Variants in MYO10 observed in about 807,000 individuals in gnomAD.
MYO10 encodes myosin X, also known as unconventional myosin-X.
Under a neutral mutation model 257.3 loss-of-function variants are expected in MYO10, and 133 were observed. The ratio of observed to expected loss-of-function variants is 0.52; its 90% confidence interval spans 0.45 to 0.60. MYO10 has a LOEUF of 0.60. Ranked by LOEUF, MYO10 falls within the 20% of genes least tolerant of loss-of-function variation. MYO10 has a pLI of 0.00. For missense variants in MYO10, 2,399 were observed against 2,635.7 expected, an observed-to-expected ratio of 0.91 and a Z score of 1.97; for synonymous variants, 1,104 against 1,028.6, an observed-to-expected ratio of 1.07 and a Z score of -1.40.
chr5:16,782,530 C>T (rs575627635), intron 5 of MYO10, among the ~76,000 whole-genome samples: 6 of 152,298 alleles, frequency 3.9e-5, no homozygotes, highest in East Asian at 1.9e-4. Flanking sequence ...AACGCCACTG[C>T]GCCGTACACT....
chr5:16,758,881 A>G (rs190661292), intron 17 of MYO10, among the ~76,000 whole-genome samples: 12 of 152,248 alleles, frequency 7.9e-5, no homozygotes, highest in Admixed American at 7.8e-4. Context: ...AGTTCTGTAA[A>G]ATCCATTGCT....
chr5:16,676,829 C>T (rs1161754956), intron 33 of MYO10, among the ~76,000 whole-genome samples: 1 of 152,144 alleles, frequency 6.6e-6, no homozygotes, highest in Non-Finnish European at 1.5e-5. Context: ...CATAGTGAGG[C>T]CCTGTCTCTA....
At chr5:16,787,889 C>T (rs978004658) in intron 4 of MYO10, among the ~76,000 whole-genome samples, 1 of 152,098 alleles carries the variant, frequency 6.6e-6, no homozygotes, top group African/African-American at 2.4e-5. Flanking sequence ...CCACCACCTC[C>T]CCAGGTTCAA....
intron 22 of MYO10, 52 bp from the exon 23 acceptor site, chr5:16,703,210 G>A: frequency 7.1e-7 from 1 of 1,405,018 alleles, no homozygotes; most frequent in Non-Finnish European, 9.8e-7. Flanking sequence ...GAGGCTTTGA[G>A]CTATTCAAAT....
intron 23 of MYO10, 67 bp downstream of exon 23, chr5:16,702,858 G>T (rs892145573): frequency 2.9e-6 from 4 of 1,396,236 alleles, no homozygotes; most frequent in Non-Finnish European, 3.9e-6. Flanking sequence ...TGGCTGCACA[G>T]ACAGATACCG....
At chr5:16,796,500 A>AAAAT (rs1389849355) in intron 3 of MYO10, among the ~76,000 whole-genome samples, 1 of 150,464 alleles carries the variant, frequency 6.6e-6, no homozygotes, top group Non-Finnish European at 1.5e-5. Context: ...AGAAAGAAGG[A>AAAAT]AAATAAATAA....
At chr5:16,713,617 C>A (rs1350967373) in intron 19 of MYO10, 1 of 559,600 alleles carries the variant, frequency 1.8e-6, no homozygotes. Context: ...GTGTCCCTGC[C>A]CCTTCCCAGT....
At chr5:16,820,790 AAC>A (rs1742775406) in intron 2 of MYO10, among the ~76,000 whole-genome samples, 2 of 151,702 alleles carry the variant, frequency 1.3e-5, no homozygotes, top group African/African-American at 4.8e-5. Context: ...GACACTACAA[AAC>A]ACAGACACTA....
intron 2 of MYO10, among the ~76,000 whole-genome samples, chr5:16,863,156 A>G (rs144407766): frequency 6.6e-6 from 1 of 152,326 alleles, no homozygotes; most frequent in East Asian, 1.9e-4. Flanking sequence ...AGGAAACCAA[A>G]GAAGGTCACG....
chr5:16,670,673 C>G lies in MYO10; in HGVS notation c.5736G>C (p.Trp1912Cys). ...GAGCAGAGGAGACTTCTTCCTTAAT[C>G]CACATGTCCAGCATCTGCTCCTCCT... ...KVEEEQMLDM[W>C]IKEEVSSARA... The change falls in exon 39 of 41, where the codon TGG (tryptophan) becomes TGC (cysteine). Residue 1912 changes from tryptophan to cysteine, a missense_variant. Physicochemically the swap from Trp to Cys is radical, Grantham distance 215. This residue lies in a region of MYO10 where 1,820 missense variants were observed against 1,939.4 expected (regional missense o/e 0.94). Transcript: ENST00000513610. 2 of 1,614,018 alleles carry G rather than the reference C, an allele frequency of 1.2e-6. No homozygotes were observed. The highest frequency in any genetic ancestry group is 1.1e-5 in the South Asian group (1 of 91,086).
intron 17 of MYO10, among the ~76,000 whole-genome samples, chr5:16,759,170 G>A (rs1423983625): frequency 2.6e-5 from 4 of 152,062 alleles, no homozygotes; most frequent in Non-Finnish European, 5.9e-5. Flanking sequence ...TGATCCACCC[G>A]CCTCGGCCTC....
chr5:16,673,791 C>T lies in MYO10; in HGVS notation c.5063G>A (p.Arg1688Gln), dbSNP rs748428796. Residue 1688 changes from arginine (R) to glutamine (Q), a missense_variant, in exon 36 of 41, where the codon CGA becomes CAA. Physicochemically the swap from Arg to Gln is conservative, Grantham distance 43 (BLOSUM62 1). Around this residue, in one of 3 missense-constraint regions of MYO10, gnomAD observed 1,820 missense variants for 1,939.4 expected, o/e 0.94. Transcript: ENST00000513610. ...GTGGATCAGAGCTTCTATTTCATCT[C>T]GGGAAGGCACAAACTCTCGGCATTT... ...KTKCREFVPS[R>Q]DEIEALIHRQ... 15 of 1,613,938 alleles carry T rather than the reference C, an allele frequency of 9.3e-6. No homozygotes were observed. Among genetic ancestry groups the T allele is most frequent in the Non-Finnish European group, 1.2e-5 (14 of 1,179,888 alleles).
intron 19 of MYO10, among the ~76,000 whole-genome samples, chr5:16,731,242 A>C (rs1410986651): frequency 6.6e-6 from 1 of 151,708 alleles, no homozygotes; most frequent in Non-Finnish European, 1.5e-5. Flanking sequence ...ATGGGAGTTC[A>C]CCATCTTGGC....
intron 19 of MYO10, among the ~76,000 whole-genome samples, chr5:16,718,032 G>GC: frequency 6.6e-6 from 1 of 152,170 alleles, no homozygotes; most frequent in Admixed American, 6.5e-5. Context: ...GGCTTGGTGG[G>GC]CCCCGCACTC....
At chr5:16,916,083 A>T (rs1482548607) in intron 1 of MYO10, 1 of 456,240 alleles carries the variant, frequency 2.2e-6, no homozygotes, top group Admixed American at 2.3e-5. Context: ...CCGAGTGTTA[A>T]GCCTCAGCCT....
intron 2 of MYO10, among the ~76,000 whole-genome samples, chr5:16,868,736 A>G (rs1561027814): frequency 1.3e-5 from 2 of 152,226 alleles, no homozygotes; most frequent in South Asian, 2.1e-4. Flanking sequence ...CCACAGTTAC[A>G]TATTTTTCAA....
chr5:16,736,116 TAG>T (rs775712711), intron 19 of MYO10, among the ~76,000 whole-genome samples: 9 of 152,184 alleles, frequency 5.9e-5, no homozygotes, highest in African/African-American at 2.2e-4. Context: ...CCAGTTGCTA[TAG>T]AGTCTTTGAA....
chr5:16,761,751 G>C (rs1740719869), intron 16 of MYO10, among the ~76,000 whole-genome samples: 1 of 152,032 alleles, frequency 6.6e-6, no homozygotes, highest in Non-Finnish European at 1.5e-5. Context: ...CTATGCCCAA[G>C]CAATCCTCCC....
At chr5:16,919,845 G>A (rs1745931565) in intron 1 of MYO10, among the ~76,000 whole-genome samples, 2 of 152,132 alleles carry the variant, frequency 1.3e-5, no homozygotes, top group African/African-American at 4.8e-5. Context: ...GGGTGTGGTG[G>A]CTCACACCTG....
Sources: gnomAD v4.1 joint callset for allele counts (sites outside exome capture counted in the v4.1 genomes callset) on GRCh38, gnomAD v4.1.1 for gene constraint, gnomAD v4.1.1 regional missense constraint, MANE v1.5 for transcripts, NCBI Gene and HGNC (gene_info 2026-07-23, HGNC 2026-07-21) for gene names.